ADGRE2: variants seen among roughly 807,000 people sequenced by gnomAD.
The protein encoded by ADGRE2 is CD97 antigen.
ADGRE2 carries 83 observed loss-of-function variants against 100.8 expected under a neutral mutation model. The ratio of observed to expected loss-of-function variants is 0.82; its 90% CI spans 0.69 to 0.99. The LOEUF (loss-of-function observed/expected upper bound fraction) is 0.99, where lower values mean the gene tolerates loss of function less well. ADGRE2 is among the 50% of genes least tolerant of loss of function. ADGRE2 has a pLI of 0.00. For synonymous variants in ADGRE2, 355 were observed against 413.0 expected, an observed-to-expected ratio of 0.86 and a Z score of 1.70; for missense variants, 814 against 1,035.7, an observed-to-expected ratio of 0.79 and a Z score of 2.94.
In ADGRE2 at chr19:14,732,997, C is replaced by T. The variant is rs965378155; in HGVS notation, c.*3239G>A. On this transcript the variant is annotated 3_prime_UTR_variant, in exon 21 of 21. Coordinates refer to ENST00000315576, the MANE Select transcript of ADGRE2 (RefSeq NM_013447.4). ...ACTCTATGGGGATATGGGCTCTACACTCATAGGGACCCACATGTTCCAAGC... is the reference window on the plus strand; with the variant it reads ...ACTCTATGGGGATATGGGCTCTACATTCATAGGGACCCACATGTTCCAAGC... 2.0e-5 allele frequency: 3 copies of T among 152,232 alleles called. No individual in the cohort carries two copies. Among genetic ancestry groups the T allele is most frequent in the African/African-American group, 7.2e-5 (3 of 41,464 alleles). 9.4% of individuals were successfully genotyped at this position (152,232 alleles called of 1,614,324 possible).
downstream of ADGRE2, chr19:14,731,134 T>C (rs2042667812): frequency 6.5e-7 from 1 of 1,528,648 alleles, no homozygotes; most frequent in Non-Finnish European, 8.8e-7. Flanking sequence ...CAATTTCTCT[T>C]CTCTTTCCCT....
chr19:14,750,705 C>T (rs1363123282), intron 16 of ADGRE2, among the ~76,000 whole-genome samples: 1 of 152,052 alleles, frequency 6.6e-6, no homozygotes, highest in Non-Finnish European at 1.5e-5. Context: ...TTGGAGTATC[C>T]TAAAAGATTT....
the ADGRE2 span, among the ~76,000 whole-genome samples, chr19:14,725,043 C>T: frequency 6.6e-6 from 1 of 152,192 alleles, no homozygotes; most frequent in African/African-American, 2.4e-5. Context: ...TCTGCAGGCT[C>T]TACAAGCATG....
rs1599833949 is a variant in ADGRE2 at position 14,755,889 on chromosome 19, G to A, written c.1193-12C>T. 6.2e-7 allele frequency: 1 copy of A among 1,609,978 alleles called. No individual in the cohort carries two copies. Among genetic ancestry groups the A allele is most frequent in the South Asian group, 1.1e-5 (1 of 90,844 alleles). On this transcript the variant is annotated splice_polypyrimidine_tract_variant and intron_variant, in intron 12 of 20. Transcript: ENST00000315576. ...CACCACAGAAGGGCCTGCAGGGCGA[G>A]GCCAAGGTTGAATCTTGGAGTAGGT...
At chr19:14,737,578 C>G (rs572824181) in intron 20 of ADGRE2, among the ~76,000 whole-genome samples, 6 of 152,220 alleles carry the variant, frequency 3.9e-5, no homozygotes, top group Admixed American at 3.9e-4. Flanking sequence ...TCATTTTGCT[C>G]CATCCTGTTC....
intron 20 of ADGRE2, among the ~76,000 whole-genome samples, chr19:14,742,324 T>C (rs1187530338): frequency 6.6e-6 from 1 of 152,212 alleles, no homozygotes; most frequent in African/African-American, 2.4e-5. Flanking sequence ...CTCAAACTCC[T>C]GGGCTCAAGT....
intron 16 of ADGRE2, among the ~76,000 whole-genome samples, chr19:14,750,357 TCAAA>T (rs577200865): frequency 1.3e-5 from 2 of 151,620 alleles, no homozygotes; most frequent in African/African-American, 4.8e-5. Context: ...TTTGACAAAA[TCAAA>T]CACTCTTTCT....
downstream of ADGRE2, among the ~76,000 whole-genome samples, chr19:14,728,196 G>C (rs1364820830): frequency 1.3e-5 from 2 of 152,224 alleles, no homozygotes; most frequent in African/African-American, 2.4e-5. Flanking sequence ...CTGGGCGACA[G>C]AGCGAGACTC....
the ADGRE2 span, among the ~76,000 whole-genome samples, chr19:14,727,349 C>A: frequency 6.6e-6 from 1 of 152,104 alleles, no homozygotes; most frequent in Non-Finnish European, 1.5e-5. Context: ...GTTTAATTGG[C>A]TCACTGTTTT....
At chr19:14,763,338 G>A (rs2147372247) in intron 11 of ADGRE2, among the ~76,000 whole-genome samples, 1 of 151,724 alleles carries the variant, frequency 6.6e-6, no homozygotes, top group African/African-American at 2.4e-5. Context: ...GTGAGACTCT[G>A]TCTCAAAAAA....
chr19:14,751,184 G>A (rs975808215), intron 16 of ADGRE2, among the ~76,000 whole-genome samples: 14 of 152,082 alleles, frequency 9.2e-5, no homozygotes, highest in African/African-American at 3.4e-4. Context: ...TGTCCTATTC[G>A]TGCTTTCCAA....
chr19:14,736,419 A>G (rs1599773076), intron 20 of ADGRE2, among the ~76,000 whole-genome samples, 175 bp from the exon 21 acceptor site: 2 of 151,816 alleles, frequency 1.3e-5, no homozygotes, highest in East Asian at 3.9e-4. Context: ...GTGCCACCAC[A>G]CCCGGCTAAT....
intron 11 of ADGRE2, among the ~76,000 whole-genome samples, chr19:14,763,290 C>A (rs1454910002): frequency 6.6e-6 from 1 of 151,984 alleles, no homozygotes; most frequent in Non-Finnish European, 1.5e-5. Flanking sequence ...TTGCAGTGAG[C>A]CGAGATCACG....
Position 14,756,242 on chromosome 19 carries a change from G to A in ADGRE2, c.1188C>T (p.Asp396=). The change falls in exon 12 of 21, where the codon GAC becomes GAT. Residue 396 remains aspartate, a synonymous_variant. Coordinates refer to ENST00000315576, the MANE Select transcript of ADGRE2 (RefSeq NM_013447.4). ...LDWNQAQKSG[D]PGPSVVGLVS... ...CCTCCCCATCTCAGCCATTACCTGGGTCACCAGATTTCTGTGCCTGATTCC... is the reference window on the plus strand; with the variant it reads ...CCTCCCCATCTCAGCCATTACCTGGATCACCAGATTTCTGTGCCTGATTCC... The A allele has an allele frequency of 6.2e-7, 1 of 1,612,040 alleles. No homozygotes were observed. The highest frequency in any genetic ancestry group is 1.1e-5 in the South Asian group (1 of 91,030).
rs565147409 is a variant in ADGRE2 at position 14,774,398 on chromosome 19, C to G, written c.32-92G>C. 2.0e-6 allele frequency: 3 copies of G among 1,488,648 alleles called. No homozygotes were observed. In the East Asian group the frequency reaches 7.1e-5, roughly 35 times the overall value. 92.2% of individuals were successfully genotyped at this position (1,488,648 alleles called of 1,614,324 possible). ...GCACTTTGTGGGAGGAGGATGCTGA[C>G]CCCTCTCAGGCTCAGATCCTGCCCA... On this transcript the variant is annotated intron_variant, in intron 2 of 20. Coordinates refer to ENST00000315576, the MANE Select transcript of ADGRE2 (RefSeq NM_013447.4).
intron 11 of ADGRE2, among the ~76,000 whole-genome samples, chr19:14,761,589 A>T (rs1159357368): frequency 6.6e-6 from 1 of 152,070 alleles, no homozygotes; most frequent in Admixed American, 6.6e-5. Context: ...GCAGCCTGTA[A>T]AATCGAGCTG....
At chr19:14,725,645 C>T in the ADGRE2 span, among the ~76,000 whole-genome samples, 1 of 152,208 alleles carries the variant, frequency 6.6e-6, no homozygotes, top group Non-Finnish European at 1.5e-5. Context: ...AGGCAACAGA[C>T]CTCATGCAAG....
At chr19:14,724,725 C>T in the ADGRE2 span, among the ~76,000 whole-genome samples, 2 of 152,006 alleles carry the variant, frequency 1.3e-5, no homozygotes, top group African/African-American at 4.8e-5. Flanking sequence ...GACATCATGC[C>T]ATTGCACTCC....
At chr19:14,754,206 G>T (rs566674916) in intron 14 of ADGRE2, among the ~76,000 whole-genome samples, 1 of 152,008 alleles carries the variant, frequency 6.6e-6, no homozygotes, top group Admixed American at 6.6e-5. Flanking sequence ...GGCTCTCCTT[G>T]CTCCTCAGCC....
Sources: gnomAD v4.1 joint callset for allele counts (sites outside exome capture counted in the v4.1 genomes callset) on GRCh38, gnomAD v4.1.1 for gene constraint, MANE v1.5 for transcripts, NCBI Gene and HGNC (gene_info 2026-07-23, HGNC 2026-07-21) for gene names.